The following GPR39 variants were observed in gnomAD, a reference collection of about 807,000 sequenced individuals.
The protein encoded by GPR39 is zinc sensing receptor.
GPR39 carries 23 observed loss-of-function variants against 18.4 expected under a neutral mutation model. The ratio of observed to expected loss-of-function variants is 1.25; its 90% CI spans 0.90 to 1.77. The LOEUF is 1.77. Among genes scored for constraint, GPR39 ranks in the 40% most tolerant of loss-of-function variants. GPR39 has a pLI of 0.00. For synonymous variants in GPR39, 280 were observed against 257.9 expected (o/e 1.09, Z -0.82); for missense variants, 647 against 602.4 (o/e 1.07, Z -0.78).
chr2:132,588,823 A>T (rs1485642205), intron 1 of GPR39, among the ~76,000 whole-genome samples: 3 of 152,060 alleles, frequency 2.0e-5, no homozygotes. Flanking sequence ...ACTGGACTCC[A>T]CCCCTTCAAT....
chr2:132,512,582 C>A (rs1164788233), intron 1 of GPR39, among the ~76,000 whole-genome samples: 3 of 152,174 alleles, frequency 2.0e-5, no homozygotes, highest in Non-Finnish European at 4.4e-5. Flanking sequence ...AGCTATGTGA[C>A]CTCAGGAGAG....
rs570668090 is a variant in GPR39, at chr2:132,494,239, C to T, written c.856+76341C>T. Among the ~76,000 whole-genome samples the T allele has an allele frequency of 5.3e-4, 81 of 152,252 alleles. 4 individuals are homozygous for T. The South Asian group carries it at 0.016, about 29-fold the overall frequency. Reference sequence around the variant, plus strand: ...GGGACCTTATAAAAATGGTCCAAGGCGTAATATGGCTGATGCCTCCACATC... The same window carrying T: ...GGGACCTTATAAAAATGGTCCAAGGTGTAATATGGCTGATGCCTCCACATC... On this transcript the variant is annotated intron_variant, in intron 1 of 1. Coordinates refer to ENST00000329321, the MANE Select transcript of GPR39 (RefSeq NM_001508.3).
intron 1 of GPR39, among the ~76,000 whole-genome samples, chr2:132,621,035 A>T (rs1681431802): frequency 6.6e-6 from 1 of 152,146 alleles, no homozygotes; most frequent in East Asian, 1.9e-4. Flanking sequence ...TACAGGAGTG[A>T]GCCACTGCGC....
At chr2:132,585,711 G>A (rs575146612) in intron 1 of GPR39, among the ~76,000 whole-genome samples, 3 of 151,968 alleles carry the variant, frequency 2.0e-5, no homozygotes. Flanking sequence ...CGCAGTTTGC[G>A]AACTGCTGGG....
chr2:132,417,977 T>C, intron 1 of GPR39, 79 bp downstream of exon 1: 8 of 1,491,612 alleles, frequency 5.4e-6, no homozygotes, highest in Non-Finnish European at 7.1e-6. Context: ...TGTGGCCCTC[T>C]CCAGGGCAAG....
At chr2:132,478,567 G>C (rs542573967) in intron 1 of GPR39, among the ~76,000 whole-genome samples, 11 of 152,324 alleles carry the variant, frequency 7.2e-5, no homozygotes, top group African/African-American at 2.6e-4. Flanking sequence ...GTCAAAGACA[G>C]AAAGCTCAGT....
intron 1 of GPR39, among the ~76,000 whole-genome samples, chr2:132,468,689 G>T (rs1193956881): frequency 1.3e-5 from 2 of 152,216 alleles, no homozygotes; most frequent in Non-Finnish European, 2.9e-5. Flanking sequence ...TCTGGCCATA[G>T]CTTACGTGTG....
At chr2:132,531,394 C>T (rs1679627936) in intron 1 of GPR39, among the ~76,000 whole-genome samples, 1 of 152,182 alleles carries the variant, frequency 6.6e-6, no homozygotes, top group African/African-American at 2.4e-5. Flanking sequence ...GACTCCCACA[C>T]AATAATAATG....
chr2:132,565,039 G>A (rs563708758), intron 1 of GPR39, among the ~76,000 whole-genome samples: 1 of 151,698 alleles, frequency 6.6e-6, no homozygotes, highest in African/African-American at 2.4e-5. Flanking sequence ...GGATGGTCTC[G>A]AACTCCTGAC....
At chr2:132,625,331 T>G (rs1318916478) in intron 1 of GPR39, among the ~76,000 whole-genome samples, 6 of 152,172 alleles carry the variant, frequency 3.9e-5, no homozygotes, top group Non-Finnish European at 7.3e-5. Context: ...TTTTCTCTAT[T>G]GGATTATTTA....
intron 1 of GPR39, among the ~76,000 whole-genome samples, chr2:132,622,187 A>G (rs1681454186): frequency 6.6e-6 from 1 of 152,180 alleles, no homozygotes; most frequent in Non-Finnish European, 1.5e-5. Flanking sequence ...TGAAGTCAGG[A>G]GTTCGAGACC....
chr2:132,494,697 A>G (rs1020267816), intron 1 of GPR39, among the ~76,000 whole-genome samples: 1 of 152,230 alleles, frequency 6.6e-6, no homozygotes, highest in Non-Finnish European at 1.5e-5. Context: ...ACATCCAGGC[A>G]TGGGTTTTTG....
At chr2:132,568,325 C>T (rs997055078) in intron 1 of GPR39, among the ~76,000 whole-genome samples, 5 of 151,912 alleles carry the variant, frequency 3.3e-5, no homozygotes, top group African/African-American at 1.2e-4. Flanking sequence ...TGATGCTTGT[C>T]GCCATTGCAG....
Position 132,417,630 on chromosome 2 carries a change from C to T in GPR39, c.588C>T (p.Thr196=). ...GTCTCACTTGCAACCGCTCCAGCAC[C>T]CGCCACCACGAGCAGCCCGAGACCT... ...HRGLTCNRSS[T]RHHEQPETSN... is the part of the protein sequence containing the mutation. Residue 196 remains threonine, a synonymous_variant, in exon 1 of 2, where the codon ACC becomes ACT. Transcript: ENST00000329321. The T allele has an allele frequency of 6.2e-7, 1 of 1,614,108 alleles. No individual in the cohort carries two copies. The highest frequency in any genetic ancestry group is 8.5e-7 in the Non-Finnish European group (1 of 1,180,020).
At chr2:132,565,762 G>A (rs1486922036) in intron 1 of GPR39, among the ~76,000 whole-genome samples, 46 of 145,232 alleles carry the variant, frequency 3.2e-4, no homozygotes, top group South Asian at 1.1e-3. Flanking sequence ...AGTATTCCAT[G>A]GTGTATATGT....
chr2:132,515,144 A>G (rs1203052988), intron 1 of GPR39, among the ~76,000 whole-genome samples: 4 of 152,242 alleles, frequency 2.6e-5, no homozygotes, highest in African/African-American at 9.6e-5. Flanking sequence ...TTAACCTGCC[A>G]TGTGACTTCA....
chr2:132,645,381 C>G lies in GPR39; in HGVS notation c.1137C>G (p.His379Gln). ...AGAAGCGCCTGCGCGTACATGCGCA[C>G]TCCACCACCGACAGCGCCCGCTTTG... Reference protein sequence around the residue: ...NHEKRLRVHAHSTTDSARFVQ... With the variant: ...NHEKRLRVHAQSTTDSARFVQ... The change falls in exon 2 of 2, where the codon CAC (histidine) becomes CAG (glutamine). Residue 379 changes from histidine (H) to glutamine (Q), a missense_variant. His to Gln is a conservative substitution (Grantham distance 24). This residue lies in a region of GPR39 where 581 missense variants were observed against 506.8 expected (regional missense o/e 1.15). Transcript: ENST00000329321. 6.2e-7 allele frequency: 1 copy of G among 1,613,770 alleles called. No homozygotes were observed. The highest frequency in any genetic ancestry group is 1.7e-5 in the Admixed American group (1 of 60,014).
At chr2:132,497,933 A>T (rs918813250) in intron 1 of GPR39, among the ~76,000 whole-genome samples, 26 of 152,184 alleles carry the variant, frequency 1.7e-4, no homozygotes, top group African/African-American at 5.6e-4. Context: ...GTATGGAAAA[A>T]CAACCTGGAT....
chr2:132,602,645 G>C lies in GPR39; in HGVS notation c.857-42456G>C, dbSNP rs146082951. Among the ~76,000 whole-genome samples, 712 of 151,960 alleles carry C rather than the reference G, an allele frequency of 4.7e-3. 2 individuals are homozygous for C. The highest frequency in any genetic ancestry group is 0.016 in the African/African-American group (659 of 41,484). On this transcript the variant is annotated intron_variant, in intron 1 of 1. Coordinates refer to ENST00000329321, the MANE Select transcript of GPR39 (RefSeq NM_001508.3). Reference sequence around the variant, plus strand: ...TATTTGCAAACTATACATCCAGCAAGAGACTAATATCCAGAATCTACAAAG... The same window carrying C: ...TATTTGCAAACTATACATCCAGCAACAGACTAATATCCAGAATCTACAAAG...
Sources: gnomAD v4.1 joint callset for allele counts (sites outside exome capture counted in the v4.1 genomes callset) on GRCh38, gnomAD v4.1.1 for gene constraint, gnomAD v4.1.1 regional missense constraint, MANE v1.5 for transcripts, NCBI Gene and HGNC (gene_info 2026-07-23, HGNC 2026-07-21) for gene names.